PCLAF: variants seen among roughly 807,000 people sequenced by gnomAD.
PCLAF encodes PCNA-associated factor.
Under a neutral mutation model 15.1 loss-of-function variants are expected in PCLAF, and 12 were observed. That is an observed-to-expected ratio of 0.79 (90% CI 0.51 to 1.29). The LOEUF is 1.29. Among genes scored for constraint, PCLAF ranks in the 50% most tolerant of loss-of-function variants. The probability of loss-of-function intolerance (pLI) is 0.00; values close to 1 mark genes in which losing one functional copy is unlikely to be tolerated. For synonymous variants in PCLAF, 33 were observed against 47.1 expected (o/e 0.70, Z 1.22); for missense variants, 116 against 130.9 (o/e 0.89, Z 0.56).
chr15:64,370,243 A>ATTTT (rs879858578), intron 3 of PCLAF, among the ~76,000 whole-genome samples: 1 of 141,966 alleles, frequency 7.0e-6, no homozygotes, highest in South Asian at 2.3e-4. Context: ...TGCCCACCTA[A>ATTTT]TTTTTTTTTT....
At position 64,366,084 on chromosome 15, in the gene PCLAF, A is replaced by G; in HGVS notation, c.291-9T>C. 1.2e-6 allele frequency: 2 copies of G among 1,605,756 alleles called. No homozygotes were observed. Among genetic ancestry groups the G allele is most frequent in the Non-Finnish European group, 1.7e-6 (2 of 1,176,248 alleles). On this transcript the variant is annotated splice_polypyrimidine_tract_variant and intron_variant, in intron 3 of 3. Transcript: ENST00000300035. ...GTTGCAAAGGACATGCTCTGTGAAA[A>G]GAAGAGAGAACATCAATAGCCATCC...
upstream of PCLAF, among the ~76,000 whole-genome samples, chr15:64,383,288 G>A (rs1410222510): frequency 6.6e-6 from 1 of 151,816 alleles, no homozygotes; most frequent in Non-Finnish European, 1.5e-5. Context: ...AAATCAACCG[G>A]AAAAATCCAC....
intron 2 of PCLAF, 144 bp downstream of exon 2, chr15:64,380,814 G>T: frequency 4.7e-6 from 3 of 643,860 alleles, no homozygotes; most frequent in Non-Finnish European, 5.2e-6. Flanking sequence ...ACCCTAGCCG[G>T]CCAAAAGGCC....
upstream of PCLAF, chr15:64,383,103 A>C (rs1249124545): frequency 6.5e-6 from 1 of 152,834 alleles, no homozygotes; most frequent in Non-Finnish European, 1.5e-5. Flanking sequence ...AATTCTCTCC[A>C]ATGAATTGCT....
chr15:64,376,589 T>G (rs1173918638), intron 3 of PCLAF, among the ~76,000 whole-genome samples, 154 bp downstream of exon 3: 1 of 152,140 alleles, frequency 6.6e-6, no homozygotes, highest in Non-Finnish European at 1.5e-5. Flanking sequence ...CGAGCTAATT[T>G]TGTATTTTTA....
intron 3 of PCLAF, chr15:64,373,580 G>A: frequency 1.4e-6 from 2 of 1,440,692 alleles, no homozygotes; most frequent in Non-Finnish European, 1.8e-6. Context: ...GGGCTTTGTG[G>A]TTTCGGCTGC....
At chr15:64,380,329 A>G (rs956982584) in intron 2 of PCLAF, among the ~76,000 whole-genome samples, 1 of 151,872 alleles carries the variant, frequency 6.6e-6, no homozygotes, top group Non-Finnish European at 1.5e-5. Flanking sequence ...GTTGCAGTGA[A>G]CCAAGATCAC....
chr15:64,370,659 G>A (rs1022571116), intron 3 of PCLAF, among the ~76,000 whole-genome samples: 1 of 149,054 alleles, frequency 6.7e-6, no homozygotes, highest in Non-Finnish European at 1.5e-5. Context: ...ACAAGCCACC[G>A]CACCCAGGCT....
At chr15:64,376,955 C>T in intron 2 of PCLAF, 50 bp from the exon 3 acceptor site, 1 of 1,454,128 alleles carries the variant, frequency 6.9e-7, no homozygotes, top group Non-Finnish European at 9.5e-7. Flanking sequence ...AATACAATCT[C>T]TATTCCTTAA....
chr15:64,368,231 G>A (rs1899129543), intron 3 of PCLAF, among the ~76,000 whole-genome samples: 1 of 151,976 alleles, frequency 6.6e-6, no homozygotes, highest in Non-Finnish European at 1.5e-5. Flanking sequence ...TGTAATCCCA[G>A]CTACTCAGGA....
chr15:64,372,887 A>C (rs1467142933), intron 3 of PCLAF, among the ~76,000 whole-genome samples: 1 of 152,044 alleles, frequency 6.6e-6, no homozygotes, highest in Non-Finnish European at 1.5e-5. Context: ...AAATCGCTTG[A>C]ACCCAGGAGG....
chr15:64,380,848 G>A (rs1050784190), intron 2 of PCLAF, 110 bp downstream of exon 2: 6 of 887,348 alleles, frequency 6.8e-6, no homozygotes, highest in Middle Eastern at 4.7e-4. Flanking sequence ...TATATCACAG[G>A]GCAAGGAAGA....
chr15:64,374,756 G>C (rs1899530056), intron 3 of PCLAF, among the ~76,000 whole-genome samples: 1 of 148,700 alleles, frequency 6.7e-6, no homozygotes, highest in Non-Finnish European at 1.5e-5. Context: ...TGAGGTGGGA[G>C]AATCAATCGA....
intron 3 of PCLAF, among the ~76,000 whole-genome samples, chr15:64,375,566 C>T (rs1899575508): frequency 6.6e-6 from 1 of 151,950 alleles, no homozygotes; most frequent in African/African-American, 2.4e-5. Flanking sequence ...GGCGCCGCCA[C>T]CCTTTTGGTA....
chr15:64,380,892 T>G, intron 2 of PCLAF, 66 bp downstream of exon 2: 1 of 1,389,642 alleles, frequency 7.2e-7, no homozygotes, highest in Non-Finnish European at 1.0e-6. Context: ...AAAAAGAAAT[T>G]CATGGCAAGC....
chr15:64,381,148 A>G, intron 1 of PCLAF, 110 bp from the exon 2 acceptor site: 1 of 1,230,848 alleles, frequency 8.1e-7, no homozygotes, highest in Non-Finnish European at 1.2e-6. Context: ...GAACAGCAGG[A>G]TAACCTTACC....
At chr15:64,377,488 AAT>A (rs1166593614) in intron 2 of PCLAF, among the ~76,000 whole-genome samples, 79 of 29,302 alleles carry the variant, frequency 2.7e-3, no homozygotes, top group Middle Eastern at 0.025. Context: ...AAAAAAAAAA[AAT>A]ATATATATAT....
chr15:64,369,550 G>A (rs940631346), intron 3 of PCLAF, among the ~76,000 whole-genome samples: 3 of 151,918 alleles, frequency 2.0e-5, no homozygotes, highest in African/African-American at 7.3e-5. Flanking sequence ...CTTATGAACA[G>A]CACTGAATAA....
intron 3 of PCLAF, among the ~76,000 whole-genome samples, chr15:64,367,901 T>A (rs201641389): frequency 5.5e-4 from 1 of 1,810 alleles, no homozygotes; most frequent in Admixed American, 0.05. Flanking sequence ...CAAAAACTAC[T>A]TTTTTTTTTT....
Sources: allele counts gnomAD v4.1 joint callset (sites outside exome capture counted in the v4.1 genomes callset), GRCh38; gene constraint gnomAD v4.1.1; transcripts MANE v1.5; gene names NCBI Gene and HGNC (gene_info 2026-07-23, HGNC 2026-07-21).